Variants in PARD3 observed in about 807,000 individuals in gnomAD.
PARD3 encodes the protein par-3 family cell polarity regulator.
In PARD3, 75 loss-of-function variants were observed where a neutral mutation model predicts 155.4. The ratio of observed to expected loss-of-function variants is 0.48; its 90% CI spans 0.40 to 0.58. PARD3 has a LOEUF of 0.58. PARD3 is among the 20% of genes least tolerant of loss of function. PARD3 has a pLI of 0.00. For missense variants in PARD3, 1,642 were observed against 1,721.7 expected, an observed-to-expected ratio of 0.95 and a Z score of 0.82; for synonymous variants, 576 against 610.5, an observed-to-expected ratio of 0.94 and a Z score of 0.83.
At position 34,337,322 on chromosome 10, in the gene PARD3, T is replaced by C; in HGVS notation, c.2513A>G (p.Gln838Arg). ...TTTTCGTGTTTTAACGAAATCCAATTGACTGGCATCTGAAAATTGCTTTGT... is the reference window on the plus strand; with the variant it reads ...TTTTCGTGTTTTAACGAAATCCAATCGACTGGCATCTGAAAATTGCTTTGT... Reference protein sequence around the residue: ...KRTKQFSDASQLDFVKTRKSK... With the variant: ...KRTKQFSDASRLDFVKTRKSK... The change falls in exon 17 of 25, where the codon CAA (glutamine) becomes CGA (arginine). Residue 838 changes from glutamine to arginine, a missense_variant. This residue lies in a region of PARD3 where 1,529 missense variants were observed against 1,587.3 expected (regional missense o/e 0.96). Coordinates refer to ENST00000374788, the MANE Select transcript of PARD3 (RefSeq NM_001184785.2). 1.2e-6 allele frequency: 2 copies of C among 1,602,630 alleles called. No homozygotes were observed. The highest frequency in any genetic ancestry group is 1.7e-6 in the Non-Finnish European group (2 of 1,174,754).
chr10:34,154,068 C>T (rs1948891223), intron 22 of PARD3, among the ~76,000 whole-genome samples: 2 of 152,112 alleles, frequency 1.3e-5, no homozygotes, highest in Non-Finnish European at 2.9e-5. Flanking sequence ...TTAGTTGACA[C>T]TAAAAAGAAA....
chr10:34,496,560 C>T (rs962247942), intron 3 of PARD3, among the ~76,000 whole-genome samples: 10 of 152,172 alleles, frequency 6.6e-5, no homozygotes, highest in African/African-American at 2.4e-4. Flanking sequence ...ATCCACCTAT[C>T]AGTTTATAAG....
At chr10:34,247,512 C>T (rs760170490) in intron 22 of PARD3, among the ~76,000 whole-genome samples, 33 of 151,746 alleles carry the variant, frequency 2.2e-4, no homozygotes, top group Non-Finnish European at 4.7e-4. Context: ...ACAAAACAAA[C>T]AAAACAAAAA....
At chr10:34,619,956 G>A (rs545830892) in intron 2 of PARD3, among the ~76,000 whole-genome samples, 2 of 151,836 alleles carry the variant, frequency 1.3e-5, no homozygotes, top group African/African-American at 4.8e-5. Flanking sequence ...CCTTATGAAG[G>A]TTCATCCCTT....
At chr10:34,544,213 T>C (rs73267321) in intron 2 of PARD3, among the ~76,000 whole-genome samples, 1 of 152,178 alleles carries the variant, frequency 6.6e-6, no homozygotes, top group Non-Finnish European at 1.5e-5. Flanking sequence ...TAAAATTCAC[T>C]AGAAACATAA....
At chr10:34,398,398 T>TA (rs1408453145) in intron 7 of PARD3, among the ~76,000 whole-genome samples, 1 of 152,180 alleles carries the variant, frequency 6.6e-6, no homozygotes, top group African/African-American at 2.4e-5. Context: ...GTCACTGCTA[T>TA]AAGTCTACCC....
chr10:34,530,680 G>A (rs754212448), intron 2 of PARD3, among the ~76,000 whole-genome samples: 2 of 152,110 alleles, frequency 1.3e-5, no homozygotes, highest in Non-Finnish European at 2.9e-5. Flanking sequence ...TGTTATTTGG[G>A]ATTTACTGGC....
Position 34,558,227 on chromosome 10 carries a change from C to T in PARD3, c.223-41068G>A, listed in dbSNP as rs755404447. On this transcript the variant is annotated intron_variant, in intron 2 of 24. Coordinates refer to ENST00000374788, the MANE Select transcript of PARD3 (RefSeq NM_001184785.2). Reference sequence around the variant, plus strand: ...GCAGCAACCCAAATGAATCTACTACCGCTATTTCAGAGGTTTATGTATGAT... The same window carrying T: ...GCAGCAACCCAAATGAATCTACTACTGCTATTTCAGAGGTTTATGTATGAT... Among the ~76,000 whole-genome samples, 5 of 152,186 alleles carry T rather than the reference C, an allele frequency of 3.3e-5. No homozygotes were observed. The East Asian group carries it at 5.8e-4, about 18-fold the overall frequency.
intron 22 of PARD3, among the ~76,000 whole-genome samples, chr10:34,261,439 A>G (rs1045056654): frequency 3.9e-5 from 6 of 152,168 alleles, no homozygotes; most frequent in Non-Finnish European, 8.8e-5. Flanking sequence ...CTGTAATCCC[A>G]GCACTTTGGG....
chr10:34,430,528 A>ATAAC (rs1481169706), intron 5 of PARD3, among the ~76,000 whole-genome samples: 1 of 152,232 alleles, frequency 6.6e-6, no homozygotes, highest in Admixed American at 6.5e-5. Context: ...GGTAACTAAA[A>ATAAC]TAACTAACAC....
chr10:34,356,420 T>C (rs1018685094), intron 14 of PARD3, among the ~76,000 whole-genome samples: 8 of 152,136 alleles, frequency 5.3e-5, no homozygotes, highest in African/African-American at 9.7e-5. Flanking sequence ...AGCACTTCCA[T>C]GTATAAGAGA....
chr10:34,801,307 T>C (rs1227675034), intron 1 of PARD3, among the ~76,000 whole-genome samples: 1 of 152,200 alleles, frequency 6.6e-6, no homozygotes, highest in Non-Finnish European at 1.5e-5. Flanking sequence ...TGCTGTGCCA[T>C]TAGATAAGCT....
intron 2 of PARD3, among the ~76,000 whole-genome samples, chr10:34,645,129 A>G (rs1440777360): frequency 6.6e-6 from 1 of 152,134 alleles, no homozygotes; most frequent in East Asian, 1.9e-4. Flanking sequence ...CTGGAATTAC[A>G]GGCATGAGCC....
chr10:34,699,719 C>T (rs111610682), intron 1 of PARD3, among the ~76,000 whole-genome samples: 10 of 152,184 alleles, frequency 6.6e-5, no homozygotes, highest in Non-Finnish European at 1.3e-4. Context: ...AATCCCAGAA[C>T]TTTAGAAGGC....
At chr10:34,278,503 G>A (rs2133901870) in intron 21 of PARD3, among the ~76,000 whole-genome samples, 1 of 152,246 alleles carries the variant, frequency 6.6e-6, no homozygotes, top group East Asian at 1.9e-4. Context: ...CACGTGTCAT[G>A]GGAGGAACCA....
intron 2 of PARD3, among the ~76,000 whole-genome samples, chr10:34,589,753 G>A (rs2088490476): frequency 6.9e-6 from 1 of 144,608 alleles, no homozygotes; most frequent in East Asian, 2.0e-4. Flanking sequence ...TTACTGGGGG[G>A]CTGGGGTGGG....
At chr10:34,435,919 A>G (rs2076164941) in intron 5 of PARD3, among the ~76,000 whole-genome samples, 1 of 152,240 alleles carries the variant, frequency 6.6e-6, no homozygotes, top group African/African-American at 2.4e-5. Context: ...ATCTTAAAAA[A>G]AGAAAATCTT....
intron 1 of PARD3, among the ~76,000 whole-genome samples, chr10:34,753,149 C>G (rs1836278287): frequency 6.6e-6 from 1 of 152,194 alleles, no homozygotes; most frequent in South Asian, 2.1e-4. Context: ...CAGCAGGGGT[C>G]CTGATTGCTG....
intron 3 of PARD3, among the ~76,000 whole-genome samples, chr10:34,507,126 T>TA (rs2081118825): frequency 6.6e-6 from 1 of 152,168 alleles, no homozygotes; most frequent in Non-Finnish European, 1.5e-5. Flanking sequence ...ATCTTGCATA[T>TA]ACACCATTAT....
Sources: allele counts gnomAD v4.1 joint callset (sites outside exome capture counted in the v4.1 genomes callset), GRCh38; gene constraint gnomAD v4.1.1; regional missense constraint gnomAD v4.1.1; transcripts MANE v1.5; gene names NCBI Gene and HGNC (gene_info 2026-07-23, HGNC 2026-07-21).